The following DMD variants were observed in gnomAD, a reference collection of about 807,000 sequenced individuals.
DMD encodes the protein mutant dystrophin.
A neutral mutation model predicts 330.1 loss-of-function variants in DMD; 63 were observed. The ratio of observed to expected loss-of-function variants is 0.19; its 90% CI spans 0.16 to 0.24. The LOEUF (loss-of-function observed/expected upper bound fraction) is 0.24, where lower values mean the gene tolerates loss of function less well. Among genes scored for constraint, DMD ranks in the 10% least tolerant of loss-of-function variants. DMD has a pLI of 1.00. For missense variants in DMD, 3,344 were observed against 2,684.1 expected, an observed-to-expected ratio of 1.25 and a Z score of -5.43; for synonymous variants, 1,223 against 959.8, an observed-to-expected ratio of 1.27 and a Z score of -5.07.
At chrX:31,312,770 C>T (rs748649277) in intron 62 of DMD, among the ~76,000 whole-genome samples, 5 of 112,072 alleles carry the variant, frequency 4.5e-5, no homozygotes, top group East Asian at 2.8e-4. Context: ...TGGAATACTA[C>T]GCAGCCATAA....
chrX:32,765,467 C>G (rs2072862383), intron 7 of DMD, among the ~76,000 whole-genome samples: 1 of 111,313 alleles, frequency 9.0e-6, no homozygotes, highest in South Asian at 3.8e-4. Flanking sequence ...CAGATGCCAG[C>G]ATCATGCTTC....
intron 59 of DMD, among the ~76,000 whole-genome samples, chrX:31,473,591 G>A (rs1455848950): frequency 2.6e-4 from 27 of 102,570 alleles, no homozygotes; most frequent in South Asian, 9.4e-4. Flanking sequence ...GTGGTGGTGC[G>A]CGCCTGTAGT....
intron 2 of DMD, among the ~76,000 whole-genome samples, chrX:32,961,507 T>C (rs2091896367): frequency 1.8e-5 from 2 of 111,627 alleles, no homozygotes; most frequent in Non-Finnish European, 3.8e-5. Flanking sequence ...TTGTTAACTA[T>C]TGAAGGAAAT....
At chrX:31,404,990 G>C (rs1453064204) in intron 60 of DMD, among the ~76,000 whole-genome samples, 2 of 111,864 alleles carry the variant, frequency 1.8e-5, no homozygotes, top group African/African-American at 6.5e-5. Context: ...AAGGAAAATG[G>C]AGAGTGTGAA....
intron 60 of DMD, among the ~76,000 whole-genome samples, chrX:31,350,222 C>T (rs184019345): frequency 1.3e-4 from 14 of 111,448 alleles, no homozygotes; most frequent in Non-Finnish European, 2.1e-4. Context: ...AACTCTTGTG[C>T]GTGGCTTCTT....
At chrX:33,111,799 C>T (rs1393567470) in intron 1 of DMD, among the ~76,000 whole-genome samples, 2 of 110,100 alleles carry the variant, frequency 1.8e-5, no homozygotes, top group Non-Finnish European at 3.8e-5. Flanking sequence ...TAGTAGAGAC[C>T]GGGGTTTCAC....
chrX:32,813,061 C>T (rs2077486442), intron 6 of DMD, among the ~76,000 whole-genome samples: 1 of 111,192 alleles, frequency 9.0e-6, no homozygotes, highest in Non-Finnish European at 1.9e-5. Context: ...TTACCTTCCC[C>T]ATTTCCTTGG....
At chrX:32,725,033 T>C (rs1220689855) in intron 7 of DMD, among the ~76,000 whole-genome samples, 4 of 111,612 alleles carry the variant, frequency 3.6e-5, no homozygotes, top group Non-Finnish European at 7.6e-5. Flanking sequence ...AGATAGTACT[T>C]AATAAATAGT....
chrX:32,932,283 G>A (rs1234539591), intron 2 of DMD, among the ~76,000 whole-genome samples: 2 of 112,255 alleles, frequency 1.8e-5, no homozygotes, highest in African/African-American at 6.5e-5. Context: ...GCTCTTTTGT[G>A]AAAATTGCCT....
At chrX:32,125,515 A>AG (rs760678441) in intron 44 of DMD, among the ~76,000 whole-genome samples, 1 of 111,679 alleles carries the variant, frequency 9.0e-6, no homozygotes. Flanking sequence ...TCAATTAGGC[A>AG]GGGGGGTATG....
chrX:31,748,557 T>C (rs934891108), intron 51 of DMD, among the ~76,000 whole-genome samples: 5 of 112,062 alleles, frequency 4.5e-5, no homozygotes, highest in African/African-American at 9.7e-5. Context: ...GGTCAGTGAC[T>C]CTCCACTGCC....
At chrX:31,531,660 T>C (rs1339537191) in intron 55 of DMD, among the ~76,000 whole-genome samples, 97 of 107,357 alleles carry the variant, frequency 9.0e-4, no homozygotes, top group African/African-American at 3.2e-3. Flanking sequence ...TCTTTTGCTG[T>C]GCAGAAGCTC....
At chrX:31,713,133 C>CT (rs774857162) in intron 52 of DMD, among the ~76,000 whole-genome samples, 12 of 111,974 alleles carry the variant, frequency 1.1e-4, no homozygotes, top group Non-Finnish European at 2.3e-4. Context: ...TCACTCAGTA[C>CT]TGTCACTGTT....
At chrX:31,193,788 T>C (rs145267353) in intron 67 of DMD, among the ~76,000 whole-genome samples, 195 of 111,384 alleles carry the variant, frequency 1.8e-3, no homozygotes, top group African/African-American at 6.1e-3. Context: ...TATCGTCTTT[T>C]GGCCAAAAAA....
At chrX:32,721,354 G>C (rs1362593325) in intron 7 of DMD, among the ~76,000 whole-genome samples, 1 of 109,412 alleles carries the variant, frequency 9.1e-6, no homozygotes, top group African/African-American at 3.3e-5. Context: ...TTTCCTCCTT[G>C]CCTTTACTGG....
At chrX:32,592,041 G>A (rs983012350) in intron 13 of DMD, among the ~76,000 whole-genome samples, 3 of 112,196 alleles carry the variant, frequency 2.7e-5, no homozygotes, top group Non-Finnish European at 5.6e-5. Context: ...GAGAGAGGCT[G>A]AGTGGGGACT....
Position 32,441,950 on chromosome X carries a change from T to C in DMD, c.3787-636A>G, listed in dbSNP as rs56286010. Among the ~76,000 whole-genome samples, 7,586 of 110,811 alleles carry C rather than the reference T, an allele frequency of 0.068. 539 individuals carry two copies. The highest frequency in any genetic ancestry group is 0.22 in the African/African-American group (6,591 of 30,571). On this transcript the variant is annotated intron_variant, in intron 27 of 78. Transcript: ENST00000357033. ...ATTTTTCCACATTCTTATTATTTCC[T>C]TGAGGTATATTATCGGAAATATTAC...
At chrX:32,792,847 C>G (rs1328567688) in intron 7 of DMD, among the ~76,000 whole-genome samples, 2 of 112,102 alleles carry the variant, frequency 1.8e-5, no homozygotes, top group Non-Finnish European at 3.8e-5. Flanking sequence ...GAGCTAGATG[C>G]AAATACAGTA....
intron 4 of DMD, among the ~76,000 whole-genome samples, chrX:32,831,811 G>A (rs2079178650): frequency 9.1e-6 from 1 of 110,191 alleles, no homozygotes; most frequent in African/African-American, 3.3e-5. Flanking sequence ...AGAGATGGAT[G>A]TTTAGAGTTT....
Sources: allele counts gnomAD v4.1 joint callset (sites outside exome capture counted in the v4.1 genomes callset), GRCh38; gene constraint gnomAD v4.1.1; transcripts MANE v1.5; gene names NCBI Gene and HGNC (gene_info 2026-07-23, HGNC 2026-07-21).